The following ALK variants were observed in gnomAD, a reference collection of about 807,000 sequenced individuals.
ALK encodes the protein ALK tyrosine kinase receptor.
In ALK, 74 loss-of-function variants were observed where a neutral mutation model predicts 163.1. The ratio of observed to expected loss-of-function variants is 0.45; its 90% CI spans 0.38 to 0.55. The LOEUF is 0.55. Among genes scored for constraint, ALK ranks in the 20% least tolerant of loss-of-function variants. ALK has a pLI of 0.00. For missense variants in ALK, 2,063 were observed against 2,105.3 expected, an observed-to-expected ratio of 0.98 and a Z score of 0.39; for synonymous variants, 960 against 843.2, an observed-to-expected ratio of 1.14 and a Z score of -2.40.
chr2:29,899,902 G>C (rs759522275), intron 1 of ALK, among the ~76,000 whole-genome samples: 2 of 152,072 alleles, frequency 1.3e-5, no homozygotes, highest in Non-Finnish European at 2.9e-5. Flanking sequence ...TACTCTGAAC[G>C]GGTCTCTGTT....
intron 3 of ALK, among the ~76,000 whole-genome samples, chr2:29,555,493 T>C (rs1056744792): frequency 1.3e-5 from 2 of 152,216 alleles, no homozygotes; most frequent in Admixed American, 6.5e-5. Context: ...ACAGTCAATC[T>C]GTGAGTATTT....
At chr2:29,686,709 G>A (rs1678251577) in intron 3 of ALK, among the ~76,000 whole-genome samples, 1 of 152,238 alleles carries the variant, frequency 6.6e-6, no homozygotes, top group Admixed American at 6.5e-5. Flanking sequence ...AGTTAGGAGG[G>A]GTTCCTTGTT....
intron 3 of ALK, among the ~76,000 whole-genome samples, chr2:29,609,893 C>T (rs1387334014): frequency 6.6e-6 from 1 of 152,134 alleles, no homozygotes; most frequent in African/African-American, 2.4e-5. Flanking sequence ...CTTCCCAATG[C>T]AGTCCCACCA....
At chr2:29,478,628 G>A (rs753639523) in intron 4 of ALK, among the ~76,000 whole-genome samples, 6 of 152,190 alleles carry the variant, frequency 3.9e-5, no homozygotes, top group East Asian at 3.9e-4. Context: ...ATACGCATAC[G>A]CAAGTCAGTT....
Position 29,920,414 on chromosome 2 carries a change from AGCCTTCAGCT to A in ALK, c.236_245del (p.Glu79ValfsTer10). The A allele has an allele frequency of 6.3e-7, 1 of 1,593,636 alleles. No homozygotes were observed. The highest frequency in any genetic ancestry group is 8.5e-7 in the Non-Finnish European group (1 of 1,170,600). ...GCGAGCCGCGGGCCTCGGGCCTGCC[AGCCTTCAGCT>A]CCGAGGAGGATGGTGGCAGCAGTAG... is the stretch of plus-strand genomic sequence containing the variant. On this transcript the variant is annotated frameshift_variant, in exon 1 of 29. Transcript: ENST00000389048. LOFTEE classifies it high-confidence loss of function.
chr2:29,742,275 C>T (rs759131880), intron 1 of ALK, among the ~76,000 whole-genome samples: 1 of 152,250 alleles, frequency 6.6e-6, no homozygotes, highest in Non-Finnish European at 1.5e-5. Context: ...AGGGCAAGCA[C>T]TCTACATTGC....
Position 29,227,725 on chromosome 2 carries a change from T to A in ALK, c.2816-53A>T, listed in dbSNP as rs1376852230. On this transcript the variant is annotated intron_variant, in intron 16 of 28. Transcript: ENST00000389048. This position sits in a 1 kb window ranked among gnomAD's most constrained non-coding sequence, Gnocchi z 4.4. ...ACATGGGGGGTGGGTGCCAAAATCTTAACACACACACACGTCAGTGGGGCA... is the reference window on the plus strand; with the variant it reads ...ACATGGGGGGTGGGTGCCAAAATCTAAACACACACACACGTCAGTGGGGCA... 1.4e-6 allele frequency: 2 copies of A among 1,396,730 alleles called. No homozygotes were observed. The highest frequency in any genetic ancestry group is 1.4e-5 in the African/African-American group (1 of 70,484). 86.5% of individuals were successfully genotyped at this position (1,396,730 alleles called of 1,614,324 possible).
intron 3 of ALK, among the ~76,000 whole-genome samples, chr2:29,575,734 G>A (rs140222850): frequency 1.6e-4 from 25 of 152,280 alleles, no homozygotes; most frequent in African/African-American, 5.5e-4. Context: ...CAATTTTGCC[G>A]GCAGATAAGT....
At chr2:29,853,763 C>G (rs1448102336) in intron 1 of ALK, among the ~76,000 whole-genome samples, 1 of 151,964 alleles carries the variant, frequency 6.6e-6, no homozygotes, top group Non-Finnish European at 1.5e-5. Context: ...CCCCAGCCTC[C>G]CATACCTCTC....
intron 4 of ALK, among the ~76,000 whole-genome samples, chr2:29,510,579 A>G (rs1330171217): frequency 6.6e-6 from 1 of 152,234 alleles, no homozygotes; most frequent in East Asian, 1.9e-4. Context: ...TACAATAATT[A>G]TAATATGTTT....
chr2:29,763,301 G>A (rs538055140), intron 1 of ALK, among the ~76,000 whole-genome samples: 9 of 152,190 alleles, frequency 5.9e-5, no homozygotes, highest in East Asian at 1.9e-4. Flanking sequence ...AATGAGGCCC[G>A]TAGGTAGACA....
At chr2:29,310,260 C>T (rs1271509833) in intron 8 of ALK, among the ~76,000 whole-genome samples, 4 of 152,116 alleles carry the variant, frequency 2.6e-5, no homozygotes, top group Non-Finnish European at 5.9e-5. Context: ...GTCACTTAAA[C>T]TCTTTAAGCT....
intron 1 of ALK, among the ~76,000 whole-genome samples, chr2:29,838,019 A>G (rs1158019595): frequency 1.3e-5 from 2 of 152,204 alleles, no homozygotes; most frequent in African/African-American, 4.8e-5. Flanking sequence ...GGTAAGCAAA[A>G]AAATTTTAAA....
chr2:29,856,008 T>G (rs1168954748), intron 1 of ALK, among the ~76,000 whole-genome samples: 1 of 152,242 alleles, frequency 6.6e-6, no homozygotes, highest in East Asian at 1.9e-4. Context: ...AGTACTATGA[T>G]GCCTTGCAGA....
intron 1 of ALK, among the ~76,000 whole-genome samples, chr2:29,764,592 T>C (rs971933768): frequency 3.3e-5 from 5 of 152,204 alleles, no homozygotes; most frequent in African/African-American, 1.2e-4. Flanking sequence ...ATGAAAATAA[T>C]GGATCTTGCC....
At chr2:29,822,231 G>A (rs540811323) in intron 1 of ALK, among the ~76,000 whole-genome samples, 42 of 152,162 alleles carry the variant, frequency 2.8e-4, no homozygotes, top group Non-Finnish European at 3.7e-4. Context: ...CCTATCTAAC[G>A]AGGAGATCTG....
intron 12 of ALK, among the ~76,000 whole-genome samples, chr2:29,242,584 T>C (rs535653113): frequency 7.9e-5 from 12 of 152,010 alleles, no homozygotes; most frequent in Non-Finnish European, 1.8e-4. Flanking sequence ...TTCTTGATGG[T>C]GGGGTGGGAT....
chr2:29,899,073 G>A (rs1172918528), intron 1 of ALK, among the ~76,000 whole-genome samples: 2 of 152,070 alleles, frequency 1.3e-5, no homozygotes, highest in African/African-American at 2.4e-5. Flanking sequence ...CCCCAGGACC[G>A]GCAGGTTTTG....
At chr2:29,650,746 C>A (rs1006189107) in intron 3 of ALK, among the ~76,000 whole-genome samples, 2 of 152,082 alleles carry the variant, frequency 1.3e-5, no homozygotes, top group African/African-American at 4.8e-5. Flanking sequence ...TTTGCTACCC[C>A]CTCAGGCTCT....
Sources: gnomAD v4.1 joint callset for allele counts (sites outside exome capture counted in the v4.1 genomes callset) on GRCh38, gnomAD v4.1.1 for gene constraint, Gnocchi (gnomAD v3.1) non-coding constraint, MANE v1.5 for transcripts, NCBI Gene and HGNC (gene_info 2026-07-23, HGNC 2026-07-21) for gene names.